Variants in CHST8 observed in about 807,000 individuals in gnomAD.
The protein encoded by CHST8 is GALNAC-4-ST1.
In CHST8, 10 loss-of-function variants were observed where a neutral mutation model predicts 15.0. That is an observed-to-expected ratio of 0.67 (90% CI 0.41 to 1.13). CHST8 has a LOEUF of 1.13. CHST8 is among the 50% of genes most tolerant of loss of function. The pLI, the probability that CHST8 is intolerant of heterozygous loss-of-function variation, is 0.00. For missense variants in CHST8, 634 were observed against 608.2 expected (o/e 1.04, Z -0.45); for synonymous variants, 259 against 256.6 (o/e 1.01, Z -0.09).
intron 1 of CHST8, among the ~76,000 whole-genome samples, chr19:33,652,372 C>CTTTTT (rs971053736): frequency 4.3e-4 from 43 of 100,564 alleles, no homozygotes; most frequent in Non-Finnish European, 5.4e-4. Flanking sequence ...TTTTCTCTCT[C>CTTTTT]TTTTTTTTTT....
At chr19:33,649,141 T>C (rs1972398795) in intron 1 of CHST8, among the ~76,000 whole-genome samples, 1 of 152,030 alleles carries the variant, frequency 6.6e-6, no homozygotes, top group Admixed American at 6.6e-5. Flanking sequence ...TGAGCTCAAT[T>C]GATCTGCCCA....
At chr19:33,653,090 C>T (rs77832396) in intron 1 of CHST8, among the ~76,000 whole-genome samples, 15 of 152,166 alleles carry the variant, frequency 9.9e-5, no homozygotes, top group African/African-American at 3.6e-4. Context: ...TCTTTTCTCA[C>T]TCTTGCTTAT....
intron 3 of CHST8, among the ~76,000 whole-genome samples, chr19:33,693,069 C>T (rs544726666): frequency 2.0e-5 from 3 of 149,240 alleles, no homozygotes; most frequent in South Asian, 4.2e-4. Flanking sequence ...TGCAATGGTG[C>T]GATCTCAGCC....
intron 3 of CHST8, among the ~76,000 whole-genome samples, chr19:33,767,993 G>A (rs1320266172): frequency 6.6e-6 from 1 of 152,176 alleles, no homozygotes; most frequent in Non-Finnish European, 1.5e-5. Flanking sequence ...CTGACCCCTG[G>A]TGGCAAACCT....
At chr19:33,763,568 G>A (rs1974777333) in intron 3 of CHST8, among the ~76,000 whole-genome samples, 1 of 152,206 alleles carries the variant, frequency 6.6e-6, no homozygotes, top group Non-Finnish European at 1.5e-5. Flanking sequence ...ACAGAGGCTG[G>A]TCTCCAGGCT....
intron 1 of CHST8, among the ~76,000 whole-genome samples, chr19:33,641,411 C>T (rs1343773657): frequency 6.6e-6 from 1 of 152,206 alleles, no homozygotes; most frequent in East Asian, 1.9e-4. Flanking sequence ...CTCCGCCCCA[C>T]CACCCCCTGG....
In CHST8 at chr19:33,670,775, C is replaced by T. The variant is rs74554161; in HGVS notation, c.-87+2932C>T. On this transcript the variant is annotated intron_variant, in intron 2 of 4. Transcript: ENST00000650847. Reference sequence around the variant, plus strand: ...TGGAATTGTCGGAGAGAGAGCATGTCGGGGGGCTCTGTTCATCTCCCCTAA... The same window carrying T: ...TGGAATTGTCGGAGAGAGAGCATGTTGGGGGGCTCTGTTCATCTCCCCTAA... Among the ~76,000 whole-genome samples the T allele has an allele frequency of 9.8e-3, 1,499 of 152,256 alleles. 29 individuals carry two copies. The highest frequency in any genetic ancestry group is 0.035 in the African/African-American group (1,453 of 41,536).
chr19:33,703,308 C>T (rs962860619), intron 3 of CHST8, among the ~76,000 whole-genome samples: 3 of 152,226 alleles, frequency 2.0e-5, no homozygotes, highest in East Asian at 1.9e-4. Context: ...GGGGTCCCAC[C>T]GTGTGCCAAC....
chr19:33,681,158 C>T (rs750207770), intron 2 of CHST8, among the ~76,000 whole-genome samples: 4 of 152,168 alleles, frequency 2.6e-5, no homozygotes, highest in Non-Finnish European at 4.4e-5. Context: ...TGCCTTGAAA[C>T]GATAGCTATC....
At chr19:33,722,030 G>A (rs760755852) in intron 3 of CHST8, among the ~76,000 whole-genome samples, 10 of 148,546 alleles carry the variant, frequency 6.7e-5, no homozygotes, top group Non-Finnish European at 1.3e-4. Context: ...GGTAGTGAGT[G>A]GGCATATGGA....
chr19:33,764,886 T>C (rs982333675), intron 3 of CHST8, among the ~76,000 whole-genome samples: 3 of 152,010 alleles, frequency 2.0e-5, no homozygotes, highest in South Asian at 4.1e-4. Flanking sequence ...TGTATCATTC[T>C]TATGCCTTCG....
chr19:33,697,332 T>A (rs1045167824), intron 3 of CHST8, among the ~76,000 whole-genome samples: 15 of 152,076 alleles, frequency 9.9e-5, no homozygotes, highest in African/African-American at 3.4e-4. Flanking sequence ...TGGGCTCCAG[T>A]GATCCTCCCA....
intron 3 of CHST8, among the ~76,000 whole-genome samples, chr19:33,708,861 C>G (rs920923087): frequency 1.3e-5 from 2 of 152,290 alleles, no homozygotes; most frequent in African/African-American, 4.8e-5. Context: ...AATCCATGAA[C>G]GTGGAATGTC....
intron 1 of CHST8, among the ~76,000 whole-genome samples, chr19:33,663,041 G>T (rs1307356084): frequency 6.6e-6 from 1 of 152,196 alleles, no homozygotes; most frequent in African/African-American, 2.4e-5. Context: ...GATGGTGTCT[G>T]TGTTGTAGAG....
At chr19:33,649,820 G>T (rs1972410859) in intron 1 of CHST8, among the ~76,000 whole-genome samples, 1 of 152,172 alleles carries the variant, frequency 6.6e-6, no homozygotes, top group African/African-American at 2.4e-5. Context: ...TGCAGTTATG[G>T]CTGGTAAATC....
chr19:33,716,614 C>G (rs560069982), intron 3 of CHST8, among the ~76,000 whole-genome samples: 2 of 152,176 alleles, frequency 1.3e-5, no homozygotes, highest in Admixed American at 1.3e-4. Context: ...GCGATCCTCC[C>G]GCACTGGCCT....
intron 3 of CHST8, among the ~76,000 whole-genome samples, chr19:33,768,100 T>G (rs950201152): frequency 6.6e-6 from 1 of 152,164 alleles, no homozygotes; most frequent in Admixed American, 6.5e-5. Flanking sequence ...TGCAGACCCC[T>G]GCCCCAGGAT....
chr19:33,757,387 GAAGAAAGAAAGAAAGA>G (rs1458508669), intron 3 of CHST8, among the ~76,000 whole-genome samples: 1 of 51,638 alleles, frequency 1.9e-5, no homozygotes, highest in Non-Finnish European at 4.3e-5. Flanking sequence ...CTCAAAAAAA[GAAGAAAGAAAGAAAGA>G]AAGAAAGAAA....
intron 3 of CHST8, among the ~76,000 whole-genome samples, chr19:33,754,613 C>T (rs4805937): frequency 0.021 from 3,232 of 152,336 alleles, 54 homozygotes; most frequent in East Asian, 0.028. Flanking sequence ...CTGGTGGGAA[C>T]AGTCCAGGGT....
Sources: allele counts gnomAD v4.1 joint callset (sites outside exome capture counted in the v4.1 genomes callset), GRCh38; gene constraint gnomAD v4.1.1; transcripts MANE v1.5; gene names NCBI Gene and HGNC (gene_info 2026-07-23, HGNC 2026-07-21).